Variants in COL24A1 observed in about 807,000 individuals in gnomAD.
COL24A1 encodes the protein collagen alpha-1(XXIV) chain.
A neutral mutation model predicts 253.9 loss-of-function variants in COL24A1; 224 were observed. That is an observed-to-expected ratio of 0.88 (90% CI 0.79 to 0.99). The LOEUF is 0.99. Among genes scored for constraint, COL24A1 ranks in the 50% least tolerant of loss-of-function variants. COL24A1 has a pLI of 0.00. For synonymous variants in COL24A1, 685 were observed against 673.7 expected (o/e 1.02, Z -0.26); for missense variants, 2,131 against 2,068.5 (o/e 1.03, Z -0.59).
intron 53 of COL24A1, among the ~76,000 whole-genome samples, chr1:85,772,214 C>T (rs1570546638): frequency 6.6e-6 from 1 of 151,930 alleles, no homozygotes; most frequent in East Asian, 2.0e-4. Flanking sequence ...GGACATTCAT[C>T]ATCACTGGCC....
chr1:86,107,038 T>C (rs919090071), intron 5 of COL24A1, among the ~76,000 whole-genome samples: 3 of 152,240 alleles, frequency 2.0e-5, no homozygotes, highest in African/African-American at 4.8e-5. Flanking sequence ...CCTTGGAATA[T>C]AACCACTTTG....
intron 18 of COL24A1, among the ~76,000 whole-genome samples, chr1:86,021,168 G>T (rs376361779): frequency 6.6e-6 from 1 of 152,056 alleles, no homozygotes; most frequent in Admixed American, 6.6e-5. Flanking sequence ...ACAATGAACT[G>T]CTCAGGAACA....
intron 32 of COL24A1, among the ~76,000 whole-genome samples, chr1:85,884,505 T>G (rs969477247): frequency 6.6e-6 from 1 of 152,150 alleles, no homozygotes; most frequent in Non-Finnish European, 1.5e-5. Flanking sequence ...GGAACCCCAC[T>G]GATTTGATTG....
At chr1:86,022,212 A>C in intron 18 of COL24A1, 28 bp downstream of exon 18, 2 of 1,605,934 alleles carry the variant, frequency 1.2e-6, no homozygotes, top group Non-Finnish European at 1.7e-6. Context: ...TGTCAATTAC[A>C]AAGAGCAAAG....
intron 37 of COL24A1, among the ~76,000 whole-genome samples, chr1:85,866,896 C>A (rs1349118322): frequency 6.6e-6 from 1 of 152,138 alleles, no homozygotes; most frequent in Non-Finnish European, 1.5e-5. Context: ...TGGGCACTTA[C>A]CACTGCTGTA....
intron 47 of COL24A1, among the ~76,000 whole-genome samples, chr1:85,812,775 T>C (rs1246220353): frequency 6.6e-6 from 1 of 152,128 alleles, no homozygotes; most frequent in African/African-American, 2.4e-5. Context: ...CAGTCAACAT[T>C]TTTCCATACT....
intron 52 of COL24A1, among the ~76,000 whole-genome samples, chr1:85,779,556 T>G (rs1438475795): frequency 6.6e-6 from 1 of 152,160 alleles, no homozygotes; most frequent in Non-Finnish European, 1.5e-5. Context: ...GTCGCCAAAT[T>G]AACCAAATCT....
intron 2 of COL24A1, among the ~76,000 whole-genome samples, chr1:86,127,313 T>C (rs1221035041): frequency 6.6e-6 from 1 of 152,130 alleles, no homozygotes; most frequent in East Asian, 1.9e-4. Flanking sequence ...CTCTGATTTA[T>C]TATTCATCGT....
rs183985799 is a variant in COL24A1, at chr1:86,075,560, T to C, written c.1708-11801A>G. Among the ~76,000 whole-genome samples, 322 of 152,328 alleles carry C rather than the reference T, an allele frequency of 2.1e-3. 1 individual carries two copies. The highest frequency in any genetic ancestry group is 7.3e-3 in the African/African-American group (305 of 41,574). On this transcript the variant is annotated intron_variant, in intron 7 of 59. Transcript: ENST00000370571. ...TCATTTTATGAGGCCAGCATCATCC[T>C]GATACCAAAACCTGGCAGAGACACA... is the stretch of plus-strand genomic sequence containing the variant.
intron 12 of COL24A1, among the ~76,000 whole-genome samples, chr1:86,044,502 GT>G (rs1453590744): frequency 6.6e-6 from 1 of 152,058 alleles, no homozygotes; most frequent in African/African-American, 2.4e-5. Flanking sequence ...TGAATATTAT[GT>G]GTTTTTCAAA....
intron 3 of COL24A1, among the ~76,000 whole-genome samples, chr1:86,121,668 A>G (rs764624290): frequency 2.6e-5 from 4 of 152,158 alleles, no homozygotes; most frequent in Non-Finnish European, 5.9e-5. Context: ...AGTTCACACA[A>G]AATGAAATGG....
chr1:85,823,684 C>T lies in COL24A1; in HGVS notation c.3735+1G>A. On this transcript the variant is annotated splice_donor_variant, in intron 44 of 59. Coordinates refer to ENST00000370571, the MANE Select transcript of COL24A1 (RefSeq NM_152890.7). LOFTEE classifies it high-confidence loss of function. ...TTAGAAATAATGCTTTCAAAACATA[C>T]TGGGGGTCCTTGTTGTCCAGTGGCA... 6.2e-7 allele frequency: 1 copy of T among 1,613,790 alleles called. No individual in the cohort carries two copies. The highest frequency in any genetic ancestry group is 8.5e-7 in the Non-Finnish European group (1 of 1,179,814).
chr1:85,977,402 T>C (rs914782674), intron 20 of COL24A1, among the ~76,000 whole-genome samples: 1 of 152,114 alleles, frequency 6.6e-6, no homozygotes, highest in Non-Finnish European at 1.5e-5. Flanking sequence ...ATTCAGAATA[T>C]TGATTATTAA....
intron 12 of COL24A1, among the ~76,000 whole-genome samples, chr1:86,045,259 G>A (rs1030477847): frequency 6.6e-6 from 1 of 152,220 alleles, no homozygotes; most frequent in Admixed American, 6.5e-5. Context: ...CAAAGTGCTG[G>A]GATTACAGGT....
intron 19 of COL24A1, among the ~76,000 whole-genome samples, chr1:86,000,359 T>A (rs2101046718): frequency 6.6e-6 from 1 of 152,350 alleles, no homozygotes; most frequent in South Asian, 2.1e-4. Flanking sequence ...TTTTATTTTT[T>A]AATATATCTT....
At chr1:85,733,312 C>T (rs1043538924) in intron 59 of COL24A1, among the ~76,000 whole-genome samples, 5 of 152,076 alleles carry the variant, frequency 3.3e-5, no homozygotes, top group African/African-American at 1.2e-4. Flanking sequence ...AAAGAGGGGT[C>T]GGCAAACTCT....
rs1688410022 is a variant in COL24A1, at chr1:85,938,293, A to T, written c.2562+22956T>A. Among the ~76,000 whole-genome samples the T allele has an allele frequency of 1.4e-5, 2 of 146,858 alleles. 1 individual carries two copies. The highest frequency in any genetic ancestry group is 3.0e-5 in the Non-Finnish European group (2 of 66,490). ...GTGCTTTCCATTCCCACAAAATGTG[A>T]GCTCTGCAGACATGGAGGCCCTCGT... is the stretch of plus-strand genomic sequence containing the variant. On this transcript the variant is annotated intron_variant, in intron 24 of 59. Transcript: ENST00000370571.
intron 24 of COL24A1, among the ~76,000 whole-genome samples, chr1:85,926,594 A>T (rs1362194364): frequency 6.6e-6 from 1 of 151,496 alleles, no homozygotes; most frequent in African/African-American, 2.4e-5. Context: ...GCATGTTCTC[A>T]CTCATAGGTG....
intron 37 of COL24A1, among the ~76,000 whole-genome samples, chr1:85,858,466 T>C (rs188742289): frequency 5.9e-5 from 9 of 152,312 alleles, no homozygotes; most frequent in Non-Finnish European, 1.2e-4. Context: ...TTTAGAAATC[T>C]CTTTTCCTCA....
Sources: allele counts gnomAD v4.1 joint callset (sites outside exome capture counted in the v4.1 genomes callset), GRCh38; gene constraint gnomAD v4.1.1; transcripts MANE v1.5; gene names NCBI Gene and HGNC (gene_info 2026-07-23, HGNC 2026-07-21).